Variants in FHOD3 observed in about 807,000 individuals in gnomAD.
FHOD3 encodes the protein formin homology 2 domain containing 3.
In FHOD3, 90 loss-of-function variants were observed where a neutral mutation model predicts 173.0. That is an observed-to-expected ratio of 0.52 (90% confidence interval 0.44 to 0.62). The LOEUF (loss-of-function observed/expected upper bound fraction) is 0.62, where lower values mean the gene tolerates loss of function less well. Ranked by LOEUF, FHOD3 falls within the 20% of genes least tolerant of loss-of-function variation. The pLI is 0.00. For missense variants in FHOD3, 1,945 were observed against 2,034.7 expected (o/e 0.96, Z 0.85); for synonymous variants, 828 against 823.0 (o/e 1.01, Z -0.10).
At chr18:36,589,702 A>G (rs2059148204) in intron 6 of FHOD3, among the ~76,000 whole-genome samples, 1 of 152,136 alleles carries the variant, frequency 6.6e-6, no homozygotes, top group African/African-American at 2.4e-5. Flanking sequence ...GGCCGTGCAG[A>G]GCCTCCAGAG....
intron 1 of FHOD3, among the ~76,000 whole-genome samples, chr18:36,312,432 A>T (rs2092281228): frequency 6.6e-6 from 1 of 152,092 alleles, no homozygotes; most frequent in Admixed American, 6.5e-5. Flanking sequence ...CCAAATACCC[A>T]GCTGCCCTTT....
chr18:36,495,076 G>A (rs1307327133), intron 3 of FHOD3, among the ~76,000 whole-genome samples: 1 of 151,972 alleles, frequency 6.6e-6, no homozygotes, highest in East Asian at 1.9e-4. Context: ...CTGAGTAGCT[G>A]GGGCTGTAGG....
intron 28 of FHOD3, among the ~76,000 whole-genome samples, chr18:36,772,104 G>A (rs112135121): frequency 1.4e-4 from 22 of 152,204 alleles, no homozygotes; most frequent in African/African-American, 5.1e-4. Flanking sequence ...CTATGGTATC[G>A]TTTTCATTTC....
At chr18:36,657,088 A>C (rs951091177) in intron 13 of FHOD3, among the ~76,000 whole-genome samples, 1 of 152,212 alleles carries the variant, frequency 6.6e-6, no homozygotes, top group African/African-American at 2.4e-5. Flanking sequence ...AAGGGATTCC[A>C]ATTTCTGTTG....
intron 3 of FHOD3, among the ~76,000 whole-genome samples, chr18:36,454,391 A>G (rs767421153): frequency 2.0e-5 from 3 of 152,126 alleles, no homozygotes; most frequent in Admixed American, 6.5e-5. Context: ...ACACACAGGC[A>G]TACACACAGG....
intron 5 of FHOD3, among the ~76,000 whole-genome samples, chr18:36,538,119 C>A (rs2057068084): frequency 2.0e-5 from 3 of 152,036 alleles, no homozygotes. Context: ...CAGGAAGTCT[C>A]CAGAGGGGAA....
chr18:36,441,610 G>A (rs113366463), intron 3 of FHOD3, among the ~76,000 whole-genome samples: 113 of 152,312 alleles, frequency 7.4e-4, no homozygotes, highest in African/African-American at 2.3e-3. Context: ...TCTGCTGGTA[G>A]GCTCCTTCTT....
At position 36,577,953 on chromosome 18, in the gene FHOD3, G is replaced by A. The variant is rs371477977; in HGVS notation, c.606+1408G>A. On this transcript the variant is annotated intron_variant, in intron 6 of 28. Coordinates refer to ENST00000590592, the MANE Select transcript of FHOD3 (RefSeq NM_001281740.3). Reference sequence around the variant, plus strand: ...GAAGTAGTGAAAGGGACCCTGTCCTGAGCAGGTGCACATGCACCAAGGTTA... The same window carrying A: ...GAAGTAGTGAAAGGGACCCTGTCCTAAGCAGGTGCACATGCACCAAGGTTA... Among the ~76,000 whole-genome samples the A allele has an allele frequency of 1.1e-4, 17 of 152,334 alleles. No homozygotes were observed. The East Asian group carries it at 1.7e-3, about 16-fold the overall frequency.
At chr18:36,532,584 A>G (rs1219750213) in intron 5 of FHOD3, among the ~76,000 whole-genome samples, 1 of 152,180 alleles carries the variant, frequency 6.6e-6, no homozygotes, top group Non-Finnish European at 1.5e-5. Flanking sequence ...TACTCTTGGC[A>G]GGAGAATGGA....
intron 3 of FHOD3, among the ~76,000 whole-genome samples, chr18:36,480,229 G>A (rs1366762629): frequency 6.6e-6 from 1 of 152,138 alleles, no homozygotes; most frequent in Non-Finnish European, 1.5e-5. Context: ...GGCCCCTACT[G>A]TGCCCATCCC....
chr18:36,713,440 C>T (rs1160196418), intron 18 of FHOD3, among the ~76,000 whole-genome samples: 2 of 151,990 alleles, frequency 1.3e-5, no homozygotes, highest in African/African-American at 4.8e-5. Context: ...CCTAGAGCAA[C>T]CACTACAAAA....
At chr18:36,409,602 T>TATATA (rs1239196258) in intron 3 of FHOD3, among the ~76,000 whole-genome samples, 1 of 152,186 alleles carries the variant, frequency 6.6e-6, no homozygotes, top group African/African-American at 2.4e-5. Flanking sequence ...TGCCAGGCAT[T>TATATA]ATGCCCATTT....
At chr18:36,553,875 CAT>C (rs1265563315) in intron 5 of FHOD3, among the ~76,000 whole-genome samples, 1 of 152,266 alleles carries the variant, frequency 6.6e-6, no homozygotes, top group African/African-American at 2.4e-5. Context: ...AGCCAAGAAA[CAT>C]ATGAAAAAAT....
chr18:36,442,441 A>G (rs2051209726), intron 3 of FHOD3, among the ~76,000 whole-genome samples: 1 of 152,198 alleles, frequency 6.6e-6, no homozygotes, highest in Non-Finnish European at 1.5e-5. Flanking sequence ...ACTGGCCTTT[A>G]AGATATTGGC....
intron 3 of FHOD3, among the ~76,000 whole-genome samples, chr18:36,477,813 C>T (rs781010968): frequency 5.9e-5 from 9 of 152,114 alleles, no homozygotes; most frequent in Non-Finnish European, 1.2e-4. Flanking sequence ...ACAGTGAGCT[C>T]ACTTGGCAGG....
chr18:36,446,095 G>A (rs1009586252), intron 3 of FHOD3, among the ~76,000 whole-genome samples: 4 of 152,164 alleles, frequency 2.6e-5, no homozygotes, highest in African/African-American at 9.7e-5. Context: ...AGGATTTAAG[G>A]TCACCTGAGA....
chr18:36,596,942 G>A (rs574492006), intron 7 of FHOD3, among the ~76,000 whole-genome samples: 2 of 152,324 alleles, frequency 1.3e-5, no homozygotes, highest in South Asian at 4.1e-4. Context: ...AAGGTCAGCA[G>A]TGTGTGTTTT....
chr18:36,511,681 C>T (rs934515818), intron 4 of FHOD3, among the ~76,000 whole-genome samples: 5 of 152,040 alleles, frequency 3.3e-5, no homozygotes, highest in Admixed American at 2.6e-4. Context: ...TCAGGAGGGC[C>T]GTAGTGGGGC....
intron 3 of FHOD3, among the ~76,000 whole-genome samples, chr18:36,461,900 A>G (rs894356162): frequency 1.4e-4 from 21 of 152,130 alleles, no homozygotes; most frequent in African/African-American, 5.1e-4. Context: ...AATTACTGTG[A>G]TCCTGAGCCA....
Sources: gnomAD v4.1 joint callset for allele counts (sites outside exome capture counted in the v4.1 genomes callset) on GRCh38, gnomAD v4.1.1 for gene constraint, MANE v1.5 for transcripts, NCBI Gene and HGNC (gene_info 2026-07-23, HGNC 2026-07-21) for gene names.